Variants in OPCML observed in about 807,000 individuals in gnomAD.
The protein encoded by OPCML is opioid-binding protein/cell adhesion molecule.
OPCML carries 13 observed loss-of-function variants against 37.8 expected under a neutral mutation model. The observed-to-expected ratio is 0.34, with a 90% confidence interval of 0.22 to 0.55. The LOEUF (loss-of-function observed/expected upper bound fraction) is 0.55. OPCML is among the 20% of genes least tolerant of loss of function. The pLI, the probability that OPCML is intolerant of heterozygous loss-of-function variation, is 0.91. For missense variants in OPCML, 341 were observed against 435.6 expected (o/e 0.78, Z 1.93); for synonymous variants, 176 against 168.8 (o/e 1.04, Z -0.33).
At chr11:133,369,620 A>C (rs535886230) in intron 1 of OPCML, among the ~76,000 whole-genome samples, 1 of 152,284 alleles carries the variant, frequency 6.6e-6, no homozygotes, top group South Asian at 2.1e-4. Context: ...GTGGAACAAT[A>C]CCATACATCA....
At chr11:132,786,385 G>C (rs958319867) in intron 2 of OPCML, among the ~76,000 whole-genome samples, 2 of 152,098 alleles carry the variant, frequency 1.3e-5, no homozygotes, top group African/African-American at 4.8e-5. Context: ...AAAAGAAATG[G>C]GGGAATGATA....
chr11:132,562,832 G>T (rs979448006), intron 3 of OPCML, among the ~76,000 whole-genome samples: 1 of 152,070 alleles, frequency 6.6e-6, no homozygotes, highest in Non-Finnish European at 1.5e-5. Flanking sequence ...AAACAAATTG[G>T]CTAACATTAA....
At chr11:133,140,138 G>T (rs1011493475) in intron 1 of OPCML, among the ~76,000 whole-genome samples, 7 of 150,290 alleles carry the variant, frequency 4.7e-5, no homozygotes, top group African/African-American at 1.7e-4. Context: ...AGTGAGCCGA[G>T]ATCGCACCAC....
intron 1 of OPCML, among the ~76,000 whole-genome samples, chr11:132,949,662 A>G (rs932484168): frequency 2.6e-5 from 4 of 152,236 alleles, no homozygotes; most frequent in African/African-American, 9.6e-5. Context: ...CAAAAAATGT[A>G]ACACGATTTT....
At chr11:133,012,295 A>T (rs1296123006) in intron 1 of OPCML, among the ~76,000 whole-genome samples, 7 of 152,168 alleles carry the variant, frequency 4.6e-5, no homozygotes, top group Non-Finnish European at 1.0e-4. Context: ...AGACAAGGAA[A>T]ACTATTATTT....
chr11:132,780,243 T>A (rs1946957691), intron 2 of OPCML, among the ~76,000 whole-genome samples: 1 of 152,198 alleles, frequency 6.6e-6, no homozygotes, highest in African/African-American at 2.4e-5. Flanking sequence ...TAAGCAGTGG[T>A]ACAGCTCTCT....
At chr11:133,162,591 G>A (rs564679141) in intron 1 of OPCML, among the ~76,000 whole-genome samples, 2 of 152,102 alleles carry the variant, frequency 1.3e-5, no homozygotes, top group Non-Finnish European at 2.9e-5. Context: ...ACACACTGCC[G>A]GCCACATCAA....
chr11:133,266,199 A>G (rs924577109), intron 1 of OPCML, among the ~76,000 whole-genome samples: 2 of 152,154 alleles, frequency 1.3e-5, no homozygotes, highest in Non-Finnish European at 2.9e-5. Context: ...TAGGGAACGA[A>G]CTGAGGTGGC....
chr11:133,299,688 C>T (rs1281213429), intron 1 of OPCML: 1 of 152,116 alleles, frequency 6.6e-6, no homozygotes, highest in East Asian at 1.9e-4. Context: ...CATACTGTAC[C>T]TAGCTTTTTA....
chr11:132,807,808 T>G (rs148223630), intron 2 of OPCML, among the ~76,000 whole-genome samples: 1 of 152,340 alleles, frequency 6.6e-6, no homozygotes, highest in Non-Finnish European at 1.5e-5. Context: ...ATAGAATTTA[T>G]AAATCTCTGG....
At chr11:133,463,055 G>A (rs1459031064) in intron 1 of OPCML, among the ~76,000 whole-genome samples, 11 of 145,624 alleles carry the variant, frequency 7.6e-5, no homozygotes, top group South Asian at 2.1e-4. Context: ...ACGTTAAGGC[G>A]CTGTCTAAGC....
At chr11:133,213,353 C>T (rs1186758075) in intron 1 of OPCML, among the ~76,000 whole-genome samples, 3 of 151,128 alleles carry the variant, frequency 2.0e-5, no homozygotes, top group Non-Finnish European at 4.4e-5. Flanking sequence ...TTTAAAAGAT[C>T]CTTTTTCATA....
At position 133,056,176 on chromosome 11, in the gene OPCML, A is replaced by G. The variant is rs79512873; in HGVS notation, c.62-113166T>C. ...TGGAGGGGGACAGAGAATGATTTAT[A>G]AATGATTGTTATTCTATATGTGATA... On this transcript the variant is annotated intron_variant, in intron 1 of 7. Coordinates refer to ENST00000524381, the MANE Select transcript of OPCML (RefSeq NM_001012393.5). Among the ~76,000 whole-genome samples, 579 of 152,378 alleles carry G rather than the reference A, an allele frequency of 3.8e-3. 2 individuals are homozygous for G. The highest frequency in any genetic ancestry group is 6.8e-3 in the Middle Eastern group (2 of 294).
chr11:132,877,561 G>C (rs1943066549), intron 2 of OPCML, among the ~76,000 whole-genome samples: 1 of 152,142 alleles, frequency 6.6e-6, no homozygotes, highest in Non-Finnish European at 1.5e-5. Context: ...AGTCCTCATA[G>C]GTATGATGTG....
At chr11:133,385,436 T>C (rs188410220) in intron 1 of OPCML, among the ~76,000 whole-genome samples, 75 of 152,284 alleles carry the variant, frequency 4.9e-4, no homozygotes, top group African/African-American at 1.8e-3. Flanking sequence ...GCGTTTTGCC[T>C]GTATAGAAGG....
chr11:133,060,505 C>T (rs574766294), intron 1 of OPCML, among the ~76,000 whole-genome samples: 2 of 152,316 alleles, frequency 1.3e-5, no homozygotes, highest in African/African-American at 4.8e-5. Context: ...GTCTGTCCCA[C>T]GCTCAGGACA....
chr11:132,630,152 T>A (rs910836586), intron 3 of OPCML, among the ~76,000 whole-genome samples: 2 of 152,224 alleles, frequency 1.3e-5, no homozygotes, highest in Middle Eastern at 3.2e-3. Flanking sequence ...CTTAAGGCAG[T>A]GATTATACAC....
rs188997141 is a variant in OPCML at position 133,321,996 on chromosome 11, T to C, written c.61+210268A>G. 1.8e-3 allele frequency among the ~76,000 whole-genome samples: 274 copies of C among 152,266 alleles called. 2 individuals are homozygous for C. Among genetic ancestry groups the C allele is most frequent in the African/African-American group, 6.3e-3 (260 of 41,554 alleles). ...GCTGAAAAATATTCAAGATTACACATGTGGGAACACGCAACACATGCGGTT... is the reference window on the plus strand; with the variant it reads ...GCTGAAAAATATTCAAGATTACACACGTGGGAACACGCAACACATGCGGTT... On this transcript the variant is annotated intron_variant, in intron 1 of 7. Coordinates refer to ENST00000524381, the MANE Select transcript of OPCML (RefSeq NM_001012393.5).
chr11:133,409,560 T>G (rs553452420), intron 1 of OPCML, among the ~76,000 whole-genome samples: 1 of 152,198 alleles, frequency 6.6e-6, no homozygotes, highest in South Asian at 2.1e-4. Context: ...ATGCCAGGGG[T>G]CTTATATACA....
Sources: gnomAD v4.1 joint callset for allele counts (sites outside exome capture counted in the v4.1 genomes callset) on GRCh38, gnomAD v4.1.1 for gene constraint, MANE v1.5 for transcripts, NCBI Gene and HGNC (gene_info 2026-07-23, HGNC 2026-07-21) for gene names.